Variants in HNRNPK observed in about 807,000 individuals in gnomAD.
HNRNPK encodes dC-stretch binding protein.
Under a neutral mutation model 67.0 loss-of-function variants are expected in HNRNPK, and 7 were observed. The observed-to-expected ratio is 0.10, with a 90% CI of 0.06 to 0.20. The LOEUF (loss-of-function observed/expected upper bound fraction) is 0.20, where lower values mean the gene tolerates loss of function less well. Among genes scored for constraint, HNRNPK ranks in the 10% least tolerant of loss-of-function variants. The pLI, the probability that HNRNPK is intolerant of heterozygous loss-of-function variation, is 1.00. For synonymous variants in HNRNPK, 213 were observed against 193.7 expected, an observed-to-expected ratio of 1.10 and a Z score of -0.83; for missense variants, 264 against 606.5, an observed-to-expected ratio of 0.44 and a Z score of 5.93.
intron 5 of HNRNPK, 65 bp downstream of exon 5, chr9:83,976,930 T>C: frequency 1.1e-6 from 1 of 887,336 alleles, no homozygotes; most frequent in Non-Finnish European, 1.8e-6. Context: ...GATGTAAATC[T>C]TTAAATTTCT....
At chr9:83,973,818 G>A in intron 8 of HNRNPK, 84 bp downstream of exon 8, 2 of 1,043,034 alleles carry the variant, frequency 1.9e-6, no homozygotes, top group South Asian at 1.3e-5. Context: ...ATAGAGATGG[G>A]AAAAGCACAC....
At chr9:83,976,362 C>A (rs904856612) in intron 5 of HNRNPK, 1 of 152,434 alleles carries the variant, frequency 6.6e-6, no homozygotes, top group Non-Finnish European at 1.5e-5. Context: ...TAGCCAAGTC[C>A]TATAAATGTG....
intron 5 of HNRNPK, 23 bp downstream of exon 5, chr9:83,976,972 T>C (rs752127453): frequency 2.5e-5 from 36 of 1,447,212 alleles, no homozygotes; most frequent in East Asian, 4.5e-5. Flanking sequence ...GCTCGTGTAG[T>C]AGTTTAAACT....
At chr9:83,978,814 T>C (rs1957199130) in intron 1 of HNRNPK, among the ~76,000 whole-genome samples, 1 of 152,238 alleles carries the variant, frequency 6.6e-6, no homozygotes, top group Non-Finnish European at 1.5e-5. Flanking sequence ...TAATTTTATA[T>C]TAAAACTTCC....
intron 1 of HNRNPK, among the ~76,000 whole-genome samples, chr9:83,979,034 C>G (rs576457841): frequency 1.2e-4 from 19 of 152,334 alleles, no homozygotes; most frequent in African/African-American, 3.8e-4. Context: ...CCCTTGAAAA[C>G]TAACAGTCAC....
In HNRNPK at chr9:83,973,884, A is replaced by T; in HGVS notation, c.402+18T>A. Reference sequence around the variant, plus strand: ...CAGGCTCCATACTTCAGTGGGGTTCAATGGCACTATGACATACATTTAAGC... The same window carrying T: ...CAGGCTCCATACTTCAGTGGGGTTCTATGGCACTATGACATACATTTAAGC... On this transcript the variant is annotated intron_variant, in intron 8 of 16. Coordinates refer to ENST00000376263, the MANE Select transcript of HNRNPK (RefSeq NM_031263.4). The T allele has an allele frequency of 2.5e-6, 4 of 1,599,118 alleles. No homozygotes were observed. The highest frequency in any genetic ancestry group is 3.4e-6 in the Non-Finnish European group (4 of 1,166,720).
Position 83,972,121 on chromosome 9 carries a change from A to G in HNRNPK, c.714T>C (p.Gly238=). Residue 238 remains glycine, a synonymous_variant, in exon 11 of 17, where the codon GGT becomes GGC. Coordinates refer to ENST00000376263, the MANE Select transcript of HNRNPK (RefSeq NM_031263.4). ...GACGGTCATCAAACATCATTGTAAA[A>G]CCACCATAATCATAGGTTTCATCGT... is the stretch of plus-strand genomic sequence containing the variant. ...NFYDETYDYG[G]FTMMFDDRRG... The G allele has an allele frequency of 6.2e-7, 1 of 1,613,856 alleles. No homozygotes were observed. Among genetic ancestry groups the G allele is most frequent in the Non-Finnish European group, 8.5e-7 (1 of 1,179,832 alleles).
At position 83,969,765 on chromosome 9, in the gene HNRNPK, G is replaced by A. The variant is rs774397578; in HGVS notation, c.1362-325C>T. The stretch of plus-strand genomic sequence containing the variant: ...CATTTGTCCTGTAGAGGCATGGCCT[G>A]TGCCATATGGCAGACTGTGATTTGT... On this transcript the variant is annotated intron_variant, in intron 16 of 16. Coordinates refer to ENST00000376263, the MANE Select transcript of HNRNPK (RefSeq NM_031263.4). 4 of 655,268 alleles carry A rather than the reference G, an allele frequency of 6.1e-6. 1 individual carries two copies. Among genetic ancestry groups the A allele is most frequent in the South Asian group, 2.8e-5 (2 of 70,502 alleles). The allele number at this position is 655,268 out of a possible 1,614,324, so 40.6% of individuals were successfully genotyped here.
At chr9:83,979,700 G>T (rs1195506499) in intron 1 of HNRNPK, among the ~76,000 whole-genome samples, 1 of 100,562 alleles carries the variant, frequency 9.9e-6, no homozygotes, top group Non-Finnish European at 2.1e-5. Flanking sequence ...CACCCACCAC[G>T]CGGTCCCGAG....
rs1482115958 is a variant in HNRNPK at position 83,970,340 on chromosome 9, AT to A, written c.1192-10del. 2 of 1,605,582 alleles carry A rather than the reference AT, an allele frequency of 1.2e-6. No individual in the cohort carries two copies. Among genetic ancestry groups the A allele is most frequent in the East Asian group, 2.2e-5 (1 of 44,764 alleles). ...ATAATAGATCCAGCCAACTGAAAAG[AT>A]TTTTTAAAAGTATGTGTTTACGATA... On this transcript the variant is annotated splice_polypyrimidine_tract_variant and intron_variant, in intron 15 of 16. Transcript: ENST00000376263.
chr9:83,972,323 T>TTA (rs1956885763), intron 10 of HNRNPK, 134 bp from the exon 11 acceptor site: 1 of 664,784 alleles, frequency 1.5e-6, no homozygotes, highest in African/African-American at 1.9e-5. Flanking sequence ...GAAACAGGAA[T>TTA]TATGTCAACG....
chr9:83,970,030 A>G (rs1315804934), intron 16 of HNRNPK, 132 bp downstream of exon 16: 1 of 701,918 alleles, frequency 1.4e-6, no homozygotes, highest in Non-Finnish European at 2.4e-6. Flanking sequence ...GCAAACTATT[A>G]GAATGTTTAG....
Position 83,970,710 on chromosome 9 carries a change from G to A in HNRNPK, c.1191+27C>T, listed in dbSNP as rs754814694. On this transcript the variant is annotated intron_variant, in intron 15 of 16. Transcript: ENST00000376263. ...GGAATAATCATAAAAGTGATAAAAT[G>A]TTCCTGGTAGTATTAAAGATACTTA... The A allele has an allele frequency of 3.9e-6, 5 of 1,269,090 alleles. No homozygotes were observed. In the Admixed American group the frequency reaches 9.1e-5, roughly 23 times the overall value. 78.6% of individuals were successfully genotyped at this position (1,269,090 alleles called of 1,614,324 possible). A position where few individuals can be genotyped will look rare whatever the true frequency, so the allele number is the denominator to read the frequency against.
intron 15 of HNRNPK, 56 bp from the exon 16 acceptor site, chr9:83,970,387 T>G: frequency 7.5e-7 from 1 of 1,337,822 alleles, no homozygotes; most frequent in Non-Finnish European, 1.0e-6. Context: ...ATTTACTACC[T>G]GTATTTTCAA....
rs2133082975 is a variant in HNRNPK, at chr9:83,980,029, G to A, written c.-108+124C>T. The A allele has an allele frequency of 1.3e-5, 2 of 152,906 alleles. 1 individual carries two copies. The highest frequency in any genetic ancestry group is 4.1e-4 in the South Asian group (2 of 4,856). 9.5% of individuals were successfully genotyped at this position (152,906 alleles called of 1,614,324 possible). A position where few individuals can be genotyped will look rare whatever the true frequency, so the allele number is the denominator to read the frequency against. ...GGCGGAGGTGGGGGAGGGGACACCGGGCAACGTTCCCACTCGGAGAAGCGG... is the reference window on the plus strand; with the variant it reads ...GGCGGAGGTGGGGGAGGGGACACCGAGCAACGTTCCCACTCGGAGAAGCGG... On this transcript the variant is annotated intron_variant, in intron 1 of 16. Transcript: ENST00000376263.
At chr9:83,969,997 A>T (rs1956753773) in intron 16 of HNRNPK, 165 bp downstream of exon 16, 2 of 641,290 alleles carry the variant, frequency 3.1e-6, no homozygotes, top group Non-Finnish European at 2.7e-6. Context: ...CATTTTTAGT[A>T]AGAAAGCAGA....
chr9:83,975,396 G>C, intron 6 of HNRNPK, 66 bp downstream of exon 6: 1 of 1,340,598 alleles, frequency 7.5e-7, no homozygotes, highest in Non-Finnish European at 1.1e-6. Context: ...TTATATAAAA[G>C]GCAGGTAATA....
At position 83,968,390 on chromosome 9, in the gene HNRNPK, T is replaced by C. The variant is rs1015059208; in HGVS notation, c.*1017A>G. 35 of 152,626 alleles carry C rather than the reference T, an allele frequency of 2.3e-4. No individual in the cohort carries two copies. The highest frequency in any genetic ancestry group is 6.8e-3 in the Middle Eastern group (2 of 294). 9.5% of individuals were successfully genotyped at this position (152,626 alleles called of 1,614,324 possible). ...AATGGAAAAACAAGTATATATATAT[T>C]TTACAAAGTTTAACTAATAAGACAC... On this transcript the variant is annotated 3_prime_UTR_variant, in exon 17 of 17. Transcript: ENST00000376263.
intron 7 of HNRNPK, among the ~76,000 whole-genome samples, 198 bp from the exon 8 acceptor site, chr9:83,974,171 A>T (rs949083338): frequency 1.3e-5 from 2 of 152,150 alleles, no homozygotes; most frequent in African/African-American, 4.8e-5. Flanking sequence ...GTAGAGTCTT[A>T]AAATCCTAAC....
Sources: allele counts gnomAD v4.1 joint callset (sites outside exome capture counted in the v4.1 genomes callset), GRCh38; gene constraint gnomAD v4.1.1; transcripts MANE v1.5; gene names NCBI Gene and HGNC (gene_info 2026-07-23, HGNC 2026-07-21).